GEMIN7: variants seen among roughly 807,000 people sequenced by gnomAD.
GEMIN7 encodes the protein gem-associated protein 7.
Under a neutral mutation model 7.8 loss-of-function variants are expected in GEMIN7, and 7 were observed. That is an observed-to-expected ratio of 0.90 (90% CI 0.51 to 1.69). The LOEUF (loss-of-function observed/expected upper bound fraction) is 1.69. GEMIN7 is among the 40% of genes most tolerant of loss of function. The pLI, the probability that GEMIN7 is intolerant of heterozygous loss-of-function variation, is 0.00. For synonymous variants in GEMIN7, 68 were observed against 72.4 expected (o/e 0.94, Z 0.31); for missense variants, 159 against 176.2 (o/e 0.90, Z 0.55).
At chr19:45,087,597 T>C (rs746279934) in intron 2 of GEMIN7, among the ~76,000 whole-genome samples, 111 of 152,198 alleles carry the variant, frequency 7.3e-4, no homozygotes, top group Non-Finnish European at 1.4e-3. Flanking sequence ...CAAGAAGGGA[T>C]TGCCAGGCAT....
rs1427583369 is a variant in GEMIN7, at chr19:45,087,932, T to C, written c.-8-2175T>C. Among the ~76,000 whole-genome samples, 5 of 147,470 alleles carry C rather than the reference T, an allele frequency of 3.4e-5. 1 individual carries two copies. Among genetic ancestry groups the C allele is most frequent in the African/African-American group, 1.0e-4 (4 of 39,590 alleles). Reference sequence around the variant, plus strand: ...ATAAATATGTGTGTGTGTGTATATATAGATATATAATTTTTTTTTTTTTTT... The same window carrying C: ...ATAAATATGTGTGTGTGTGTATATACAGATATATAATTTTTTTTTTTTTTT... On this transcript the variant is annotated intron_variant, in intron 2 of 2. Transcript: ENST00000270257.
chr19:45,090,056 G>A, intron 2 of GEMIN7, 51 bp from the exon 3 acceptor site: 1 of 1,550,344 alleles, frequency 6.5e-7, no homozygotes, highest in South Asian at 1.2e-5. Context: ...TCCTCCATTA[G>A]CCCCATGCTT....
At chr19:45,087,624 C>T (rs1169975684) in intron 2 of GEMIN7, among the ~76,000 whole-genome samples, 1 of 152,142 alleles carries the variant, frequency 6.6e-6, no homozygotes, top group African/African-American at 2.4e-5. Flanking sequence ...TGAGGATCAG[C>T]GAGGAGGCCT....
chr19:45,077,479 A>G (rs543129208), upstream of GEMIN7, among the ~76,000 whole-genome samples: 34 of 152,164 alleles, frequency 2.2e-4, no homozygotes, highest in African/African-American at 7.9e-4. Flanking sequence ...TCTTCCTGGC[A>G]CCGACTGCAC....
chr19:45,081,387 C>T (rs1359385271), intron 2 of GEMIN7, among the ~76,000 whole-genome samples: 2 of 150,692 alleles, frequency 1.3e-5, no homozygotes, highest in Non-Finnish European at 3.0e-5. Flanking sequence ...ACCCGGGAGG[C>T]GGAGGTTGCA....
At chr19:45,077,426 A>G (rs1364913405), upstream of GEMIN7, among the ~76,000 whole-genome samples, 1 of 152,112 alleles carries the variant, frequency 6.6e-6, no homozygotes, top group Admixed American at 6.6e-5. Flanking sequence ...TTGAAGTGGC[A>G]TCGACACCCT....
At chr19:45,088,060 C>A (rs1175310824) in intron 2 of GEMIN7, among the ~76,000 whole-genome samples, 2 of 151,342 alleles carry the variant, frequency 1.3e-5, no homozygotes, top group Non-Finnish European at 2.9e-5. Context: ...ACTCTCCTGC[C>A]TCGGCCTCCT....
At chr19:45,077,481 C>G (rs886238610), upstream of GEMIN7, among the ~76,000 whole-genome samples, 3 of 152,144 alleles carry the variant, frequency 2.0e-5, no homozygotes, top group Non-Finnish European at 4.4e-5. Flanking sequence ...TTCCTGGCAC[C>G]GACTGCACGA....
At chr19:45,076,058 A>G, upstream of GEMIN7, 1 of 1,577,818 alleles carries the variant, frequency 6.3e-7, no homozygotes, top group South Asian at 1.1e-5. This position sits in a 1 kb window ranked among gnomAD's most constrained non-coding sequence, Gnocchi z 4.9. Context: ...GGCTGGGCCC[A>G]GGGCCCGGGG....
chr19:45,087,198 C>T (rs1967723007), intron 2 of GEMIN7, among the ~76,000 whole-genome samples: 1 of 152,150 alleles, frequency 6.6e-6, no homozygotes, highest in African/African-American at 2.4e-5. Context: ...GGCTGGAGTA[C>T]AGTGGCACAA....
intron 2 of GEMIN7, among the ~76,000 whole-genome samples, chr19:45,088,245 C>A (rs866705200): frequency 5.9e-5 from 9 of 152,092 alleles, no homozygotes; most frequent in Non-Finnish European, 1.2e-4. Context: ...TGCTCCCAGC[C>A]TTATACAATT....
At chr19:45,076,098 C>A (rs780447363), upstream of GEMIN7, 9 of 1,581,510 alleles carry the variant, frequency 5.7e-6, 1 homozygote, top group South Asian at 8.0e-5. The surrounding 1 kb of genome is among the most constrained non-coding windows in gnomAD (Gnocchi z 4.9). Context: ...GGGTCAACGG[C>A]GTCCACAGGG....
upstream of GEMIN7, chr19:45,076,090 G>T (rs758915819): frequency 2.5e-6 from 4 of 1,580,624 alleles, no homozygotes; most frequent in South Asian, 4.6e-5. This position sits in a 1 kb window ranked among gnomAD's most constrained non-coding sequence, Gnocchi z 4.9. Context: ...ATAGTTCGGG[G>T]TCAACGGCGT....
At chr19:45,089,900 C>T (rs868651893) in intron 2 of GEMIN7, among the ~76,000 whole-genome samples, 10 of 152,322 alleles carry the variant, frequency 6.6e-5, no homozygotes, top group Middle Eastern at 3.4e-3. Context: ...CTTGCCTTCA[C>T]GGGGCTCATG....
intron 2 of GEMIN7, among the ~76,000 whole-genome samples, chr19:45,086,328 C>T (rs1967686364): frequency 6.6e-6 from 1 of 152,156 alleles, no homozygotes; most frequent in East Asian, 1.9e-4. Flanking sequence ...GCCCCAGGGT[C>T]TTGGGTACCC....
chr19:45,088,917 C>A (rs1357911698), intron 2 of GEMIN7, among the ~76,000 whole-genome samples: 1 of 148,836 alleles, frequency 6.7e-6, no homozygotes, highest in Non-Finnish European at 1.5e-5. Flanking sequence ...CCTTATACTT[C>A]ATCAAACTCC....
At chr19:45,082,124 C>T (rs1967524576) in intron 2 of GEMIN7, among the ~76,000 whole-genome samples, 1 of 152,190 alleles carries the variant, frequency 6.6e-6, no homozygotes, top group Admixed American at 6.5e-5. Context: ...GCCCATCCTT[C>T]ACTCAGAACT....
Position 45,090,389 on chromosome 19 carries a change from T to G in GEMIN7, c.275T>G (p.Phe92Cys). 1 of 1,614,152 alleles carries G rather than the reference T, an allele frequency of 6.2e-7. No homozygotes were observed. The highest frequency in any genetic ancestry group is 2.2e-5 in the East Asian group (1 of 44,888). Residue 92 changes from phenylalanine to cysteine, a missense_variant, in exon 3 of 3, where the codon TTT (phenylalanine) becomes TGT (cysteine). Transcript: ENST00000270257. ...LHEGVRVAAH[F>C]GATDLDVANF... ...GAGGGTGTGCGTGTGGCCGCCCACTTTGGAGCCACCGACCTGGATGTGGCC... is the reference window on the plus strand; with the variant it reads ...GAGGGTGTGCGTGTGGCCGCCCACTGTGGAGCCACCGACCTGGATGTGGCC...
intron 2 of GEMIN7, among the ~76,000 whole-genome samples, chr19:45,080,374 ATT>A (rs765472967): frequency 0.074 from 10,027 of 134,642 alleles, 445 homozygotes; most frequent in South Asian, 0.11. Flanking sequence ...CAAGGAAATG[ATT>A]TTTTTTTTTT....
Sources: allele counts gnomAD v4.1 joint callset (sites outside exome capture counted in the v4.1 genomes callset), GRCh38; gene constraint gnomAD v4.1.1; non-coding constraint Gnocchi (gnomAD v3.1); transcripts MANE v1.5; gene names NCBI Gene and HGNC (gene_info 2026-07-23, HGNC 2026-07-21).